HCN2: variants seen among roughly 807,000 people sequenced by gnomAD.
HCN2 encodes the protein potassium/sodium hyperpolarization-activated cyclic nucleotide-gated channel 2.
Under a neutral mutation model 52.3 loss-of-function variants are expected in HCN2, and 20 were observed. The observed-to-expected ratio is 0.38, with a 90% confidence interval of 0.27 to 0.56. The LOEUF (loss-of-function observed/expected upper bound fraction) is 0.56, where lower values mean the gene tolerates loss of function less well. Among genes scored for constraint, HCN2 ranks in the 20% least tolerant of loss-of-function variants. HCN2 has a pLI of 0.71. For missense variants in HCN2, 981 were observed against 1,207.7 expected, an observed-to-expected ratio of 0.81 and a Z score of 2.78; for synonymous variants, 694 against 537.0, an observed-to-expected ratio of 1.29 and a Z score of -4.04.
In HCN2 at chr19:616,312, C is replaced by T. The variant is rs1009242756; in HGVS notation, c.2508C>T (p.Ala836=). ...CTCACGGCGCCCCCGGCCCCGCGGC[C>T]TCCACACGCCCGGCCAGCAGCTCCA... The part of the protein sequence containing the change: ...SLPHGAPGPA[A]STRPASSSTP... The change falls in exon 8 of 8, where the codon GCC becomes GCT. Residue 836 remains alanine (A), a synonymous_variant. Transcript: ENST00000251287. The T allele has an allele frequency of 8.0e-6, 9 of 1,127,068 alleles. No homozygotes were observed. The highest frequency in any genetic ancestry group is 9.8e-6 in the Non-Finnish European group (9 of 917,636). 69.8% of individuals were successfully genotyped at this position (1,127,068 alleles called of 1,614,324 possible).
At chr19:611,703 G>A (rs761787453) in intron 5 of HCN2, among the ~76,000 whole-genome samples, 6 of 152,126 alleles carry the variant, frequency 3.9e-5, no homozygotes, top group Non-Finnish European at 7.3e-5. Flanking sequence ...TGCTGCACCC[G>A]ATACCACAGC....
intron 1 of HCN2, among the ~76,000 whole-genome samples, chr19:600,584 A>G (rs1330585123): frequency 1.3e-5 from 2 of 151,466 alleles, no homozygotes; most frequent in Non-Finnish European, 2.9e-5. Context: ...TGACCTCATG[A>G]TGCGACCACC....
intron 7 of HCN2, 21 bp from the exon 8 acceptor site, chr19:615,774 C>T: frequency 1.2e-6 from 2 of 1,609,688 alleles, no homozygotes; most frequent in Non-Finnish European, 1.7e-6. Context: ...TGTGCACACG[C>T]TAACGCCCCC....
At position 591,321 on chromosome 19, in the gene HCN2, G is replaced by A. The variant is rs1166285577; in HGVS notation, c.632+744G>A. ...TGTGTGAACAGGGGCCCGTGACCGC[G>A]GCGGGGTTCCCGGGGCGCGAGCCTG... On this transcript the variant is annotated intron_variant, in intron 1 of 7. Coordinates refer to ENST00000251287, the MANE Select transcript of HCN2 (RefSeq NM_001194.4). The surrounding 1 kb of genome is among the most constrained non-coding windows in gnomAD (Gnocchi z 4.1). 2 of 152,292 alleles carry A rather than the reference G, an allele frequency of 1.3e-5. No homozygotes were observed. The highest frequency in any genetic ancestry group is 4.8e-5 in the African/African-American group (2 of 41,438). The allele number at this position is 152,292 out of a possible 1,614,324, so 9.4% of individuals were successfully genotyped here.
intron 1 of HCN2, among the ~76,000 whole-genome samples, chr19:594,494 G>T (rs1186118922): frequency 1.3e-5 from 2 of 152,202 alleles, no homozygotes; most frequent in East Asian, 3.9e-4. Context: ...CCAAAGCCAG[G>T]ATCTGTTATG....
At chr19:615,387 G>T (rs1376282674) in intron 7 of HCN2, among the ~76,000 whole-genome samples, 3 of 152,138 alleles carry the variant, frequency 2.0e-5, no homozygotes, top group Non-Finnish European at 2.9e-5. Context: ...GGTGGCGGGC[G>T]CCTGTAGTCC....
At position 600,103 on chromosome 19, in the gene HCN2, G is replaced by A. The variant is rs75954232; in HGVS notation, c.633-3441G>A. On this transcript the variant is annotated intron_variant, in intron 1 of 7. Transcript: ENST00000251287. Reference sequence around the variant, plus strand: ...AGTCAGGCACACGCAGGCCATGTGGGCTCAGACCCCAGTCTGGAACCTCCC... The same window carrying A: ...AGTCAGGCACACGCAGGCCATGTGGACTCAGACCCCAGTCTGGAACCTCCC... Among the ~76,000 whole-genome samples, 139 of 152,248 alleles carry A rather than the reference G, an allele frequency of 9.1e-4. 1 individual carries two copies. Among genetic ancestry groups the A allele is most frequent in the East Asian group, 8.1e-3 (42 of 5,180 alleles).
At chr19:605,920 G>A (rs148379044) in intron 3 of HCN2, among the ~76,000 whole-genome samples, 6,717 of 152,138 alleles carry the variant, frequency 0.044, 218 homozygotes, top group Non-Finnish European at 0.069. Flanking sequence ...TGCAGCCCCG[G>A]CACTGGCCCC....
intron 4 of HCN2, 112 bp downstream of exon 4, chr19:608,294 C>CCA: frequency 1.0e-6 from 1 of 961,726 alleles, no homozygotes; most frequent in Non-Finnish European, 1.6e-6. Flanking sequence ...GAGGCAGGCC[C>CCA]GGTCCTGGGG....
intron 1 of HCN2, among the ~76,000 whole-genome samples, chr19:602,043 C>T (rs570578232): frequency 1.6e-4 from 24 of 151,280 alleles, no homozygotes; most frequent in African/African-American, 4.9e-4. Context: ...TCCCCTGTGG[C>T]GCCAGCCCCG....
intron 3 of HCN2, among the ~76,000 whole-genome samples, chr19:606,140 C>T (rs10413977): frequency 0.19 from 29,475 of 151,918 alleles, 3,610 homozygotes; most frequent in Admixed American, 0.32. Context: ...CACTCTGTCG[C>T]CCAGGCTGGA....
rs1046693250 is a variant in HCN2, at chr19:592,859, C to T, written c.632+2282C>T. Among the ~76,000 whole-genome samples the T allele has an allele frequency of 2.0e-5, 3 of 152,172 alleles. No individual in the cohort carries two copies. The highest frequency in any genetic ancestry group is 4.4e-5 in the Non-Finnish European group (3 of 68,028). ...GGGGCCTCTACGTTTGCAGCTGACT[C>T]AGGAGCCTGGCCCCAACTGGCTTCG... On this transcript the variant is annotated intron_variant, in intron 1 of 7. Transcript: ENST00000251287. The surrounding 1 kb of genome is among the most constrained non-coding windows in gnomAD (Gnocchi z 4.8).
At chr19:599,487 C>A (rs1983132940) in intron 1 of HCN2, among the ~76,000 whole-genome samples, 2 of 152,038 alleles carry the variant, frequency 1.3e-5, no homozygotes, top group Non-Finnish European at 2.9e-5. Flanking sequence ...GGGGATAAGG[C>A]CTCAAGAATT....
In HCN2 at chr19:590,413, C is replaced by T. The variant is rs1163163291; in HGVS notation, c.468C>T (p.Arg156=). The change falls in exon 1 of 8, where the codon CGC becomes CGT. Residue 156 remains arginine (R), a synonymous_variant. Coordinates refer to ENST00000251287, the MANE Select transcript of HCN2 (RefSeq NM_001194.4). The surrounding 1 kb of genome is among the most constrained non-coding windows in gnomAD (Gnocchi z 7.2). The part of the protein sequence containing the change: ...SEEAGPAGEP[R]GSQASFMQRQ... ...AGGCGGGCCCGGCGGGGGAGCCGCG[C>T]GGCAGCCAGGCCAGCTTCATGCAGC... 2 of 1,373,622 alleles carry T rather than the reference C, an allele frequency of 1.5e-6. No individual in the cohort carries two copies. Among genetic ancestry groups the T allele is most frequent in the Non-Finnish European group, 1.9e-6 (2 of 1,050,020 alleles). The allele number at this position is 1,373,622 out of a possible 1,614,324, so 85.1% of individuals were successfully genotyped here.
chr19:600,626 TGA>T (rs1568362853), intron 1 of HCN2, among the ~76,000 whole-genome samples: 3 of 151,754 alleles, frequency 2.0e-5, no homozygotes, highest in Admixed American at 1.3e-4. Flanking sequence ...ATTACAGACG[TGA>T]GCCACCACAC....
chr19:590,393 G>T lies in HCN2; in HGVS notation c.448G>T (p.Gly150Cys), dbSNP rs1982832561. The T allele has an allele frequency of 7.8e-7, 1 of 1,283,812 alleles. No homozygotes were observed. Among genetic ancestry groups the T allele is most frequent in the Non-Finnish European group, 9.9e-7 (1 of 1,005,714 alleles). 79.5% of individuals were successfully genotyped at this position (1,283,812 alleles called of 1,614,324 possible). A position where few individuals can be genotyped will look rare whatever the true frequency, so the allele number is the denominator to read the frequency against. The change falls in exon 1 of 8, where the codon GGC becomes TGC. Residue 150 changes from glycine (G) to cysteine (C), a missense_variant. Around this residue, in one of 6 missense-constraint regions of HCN2, gnomAD observed 215 missense variants for 179.4 expected, o/e 1.20. Coordinates refer to ENST00000251287, the MANE Select transcript of HCN2 (RefSeq NM_001194.4). The surrounding 1 kb of genome is among the most constrained non-coding windows in gnomAD (Gnocchi z 7.2). ...GGAGGAGGCGGGCAGCGAGGAGGCG[G>T]GCCCGGCGGGGGAGCCGCGCGGCAG... is the stretch of plus-strand genomic sequence containing the variant. ...PAEEAGSEEA[G>C]PAGEPRGSQA...
At chr19:614,221 C>T (rs1451086542) in intron 7 of HCN2, among the ~76,000 whole-genome samples, 6 of 152,306 alleles carry the variant, frequency 3.9e-5, no homozygotes, top group Non-Finnish European at 7.4e-5. Context: ...AGCGGCTGGC[C>T]GCTCCTAGGA....
intron 1 of HCN2, among the ~76,000 whole-genome samples, chr19:602,448 T>C (rs997670418): frequency 8.0e-5 from 12 of 150,464 alleles, no homozygotes; most frequent in East Asian, 7.9e-4. Flanking sequence ...ACGCCCCACT[T>C]CCTCTGGAAA....
rs376147137 is a variant in HCN2 at position 613,224 on chromosome 19, C to G, written c.1585-24C>G. 321 of 1,598,416 alleles carry G rather than the reference C, an allele frequency of 2.0e-4. 5 individuals are homozygous for G. The East Asian group carries it at 5.4e-3, about 27-fold the overall frequency. ...AAGCGGGAGTGGGGTCCGCAGCGGA[C>G]CCAGCCCTGCCTCCCCCCTGCAGGA... is the stretch of plus-strand genomic sequence containing the variant. On this transcript the variant is annotated intron_variant, in intron 5 of 7. Coordinates refer to ENST00000251287, the MANE Select transcript of HCN2 (RefSeq NM_001194.4).
Sources: allele counts gnomAD v4.1 joint callset (sites outside exome capture counted in the v4.1 genomes callset), GRCh38; gene constraint gnomAD v4.1.1; regional missense constraint gnomAD v4.1.1; non-coding constraint Gnocchi (gnomAD v3.1); transcripts MANE v1.5; gene names NCBI Gene and HGNC (gene_info 2026-07-23, HGNC 2026-07-21).